The following SNX9 variants were observed in gnomAD, a reference collection of about 807,000 sequenced individuals.
SNX9 encodes the protein sorting nexin-9.
A neutral mutation model predicts 89.4 loss-of-function variants in SNX9; 44 were observed. The observed-to-expected ratio is 0.49, with a 90% confidence interval of 0.39 to 0.63. SNX9 has a LOEUF of 0.63. Among genes scored for constraint, SNX9 ranks in the 30% least tolerant of loss-of-function variants. The pLI, the probability that SNX9 is intolerant of heterozygous loss-of-function variation, is 0.00. For missense variants in SNX9, 578 were observed against 736.1 expected, an observed-to-expected ratio of 0.79 and a Z score of 2.49; for synonymous variants, 236 against 247.8, an observed-to-expected ratio of 0.95 and a Z score of 0.45.
At chr6:157,883,694 G>A (rs996263797) in intron 4 of SNX9, among the ~76,000 whole-genome samples, 3 of 151,990 alleles carry the variant, frequency 2.0e-5, no homozygotes, top group African/African-American at 4.8e-5. Context: ...CCTTTTATTT[G>A]TACCTTTGGC....
intron 1 of SNX9, among the ~76,000 whole-genome samples, chr6:157,828,082 CTAGAA>C (rs1394443900): frequency 6.6e-6 from 1 of 152,100 alleles, no homozygotes; most frequent in Non-Finnish European, 1.5e-5. Flanking sequence ...TATTTGACGA[CTAGAA>C]TAGAAATATC....
intron 4 of SNX9, among the ~76,000 whole-genome samples, chr6:157,881,181 T>C (rs915502783): frequency 2.6e-5 from 4 of 152,244 alleles, no homozygotes; most frequent in Non-Finnish European, 5.9e-5. Context: ...TTTCACGTTT[T>C]GTTAATTCTT....
intron 9 of SNX9, 39 bp from the exon 10 acceptor site, chr6:157,921,492 A>G: frequency 6.3e-7 from 1 of 1,597,566 alleles, no homozygotes; most frequent in Non-Finnish European, 8.6e-7. Context: ...CATTCATTTT[A>G]GACAAAGTTG....
At chr6:157,915,822 C>CAAAAA (rs570701086) in intron 9 of SNX9, among the ~76,000 whole-genome samples, 3 of 89,376 alleles carry the variant, frequency 3.4e-5, no homozygotes, top group Non-Finnish European at 6.9e-5. Context: ...TAGACTCTGT[C>CAAAAA]AAAAAAAAAA....
At chr6:157,921,408 C>T in intron 9 of SNX9, 123 bp from the exon 10 acceptor site, 2 of 969,624 alleles carry the variant, frequency 2.1e-6, no homozygotes, top group South Asian at 2.2e-5. Context: ...CATGGTTTAC[C>T]TTTTGCTAAA....
intron 1 of SNX9, among the ~76,000 whole-genome samples, chr6:157,860,015 C>T (rs1209251148): frequency 1.3e-5 from 2 of 152,168 alleles, no homozygotes; most frequent in African/African-American, 4.8e-5. Flanking sequence ...TGGCCATATC[C>T]ATTTGTTTAT....
intron 12 of SNX9, among the ~76,000 whole-genome samples, chr6:157,929,359 G>A (rs908426169): frequency 6.6e-6 from 1 of 152,230 alleles, no homozygotes; most frequent in African/African-American, 2.4e-5. Flanking sequence ...ACGGGCTGCT[G>A]CCCTGTTACA....
At position 157,896,991 on chromosome 6, in the gene SNX9, A is replaced by G; in HGVS notation, c.465A>G (p.Gln155=). 6.3e-7 allele frequency: 1 copy of G among 1,597,440 alleles called. No homozygotes were observed. Among genetic ancestry groups the G allele is most frequent in the Non-Finnish European group, 8.5e-7 (1 of 1,174,766 alleles). ...DTAFGHPQAY[Q]GPATGDDDDW... ...CCTTCGGCCACCCCCAGGCCTACCA[A>G]GGACCAGGTGAGGAGAGGGGTGCAA... The change falls in exon 5 of 18, where the codon CAA becomes CAG. Residue 155 remains glutamine (Q), a synonymous_variant. Transcript: ENST00000392185.
chr6:157,828,783 G>A (rs1302214255), intron 1 of SNX9, among the ~76,000 whole-genome samples: 1 of 152,084 alleles, frequency 6.6e-6, no homozygotes, highest in African/African-American at 2.4e-5. Flanking sequence ...CCACATATTA[G>A]GTCTTAATGC....
At chr6:157,884,521 C>A (rs1204164829) in intron 4 of SNX9, among the ~76,000 whole-genome samples, 1 of 152,138 alleles carries the variant, frequency 6.6e-6, no homozygotes, top group Non-Finnish European at 1.5e-5. Context: ...TTAGACATCT[C>A]GTAATTGCTT....
rs57976405 is a variant in SNX9, at chr6:157,896,511, A to C, written c.301-316A>C. Among the ~76,000 whole-genome samples, 429 of 152,284 alleles carry C rather than the reference A, an allele frequency of 2.8e-3. 3 individuals carry two copies. Among genetic ancestry groups the C allele is most frequent in the African/African-American group, 9.1e-3 (378 of 41,564 alleles). ...CATAGGAATGGATACAGGTTCAGAA[A>C]AGTAGTGGTTACTTCTGGAGAGAAA... On this transcript the variant is annotated intron_variant, in intron 4 of 17. Coordinates refer to ENST00000392185, the MANE Select transcript of SNX9 (RefSeq NM_016224.5).
intron 1 of SNX9, among the ~76,000 whole-genome samples, chr6:157,846,199 A>G (rs1406467977): frequency 6.6e-6 from 1 of 152,220 alleles, no homozygotes; most frequent in Admixed American, 6.5e-5. Flanking sequence ...AGTATGATTC[A>G]TTCTTCCATT....
Position 157,944,386 on chromosome 6 carries a change from A to G in SNX9, c.*1548A>G, listed in dbSNP as rs1784101719. 6.6e-6 allele frequency: 1 copy of G among 152,638 alleles called. No individual in the cohort carries two copies. Among genetic ancestry groups the G allele is most frequent in the Non-Finnish European group, 1.5e-5 (1 of 68,034 alleles). 9.5% of individuals were successfully genotyped at this position (152,638 alleles called of 1,614,324 possible). On this transcript the variant is annotated 3_prime_UTR_variant, in exon 18 of 18. Transcript: ENST00000392185. ...TTCTTCTATAAAATCCCATAGAACA[A>G]TGTTTATGCTATAGCCATTTAATAT...
At chr6:157,827,529 A>T (rs62423468) in intron 1 of SNX9, among the ~76,000 whole-genome samples, 8 of 40,258 alleles carry the variant, frequency 2.0e-4, no homozygotes, top group Admixed American at 9.8e-4. Flanking sequence ...AGTTTATATA[A>T]TATATAAACA....
intron 1 of SNX9, among the ~76,000 whole-genome samples, chr6:157,856,933 A>G (rs751100183): frequency 6.6e-6 from 1 of 152,160 alleles, no homozygotes; most frequent in African/African-American, 2.4e-5. Context: ...ATTGAAAAAA[A>G]TGATCTCATT....
chr6:157,826,870 G>T (rs867307172), intron 1 of SNX9, among the ~76,000 whole-genome samples: 25 of 89,046 alleles, frequency 2.8e-4, no homozygotes, highest in East Asian at 1.7e-3. Context: ...ATATATTATA[G>T]TTTATATAAT....
chr6:157,865,823 T>C (rs1409735347), intron 1 of SNX9, among the ~76,000 whole-genome samples: 1 of 152,244 alleles, frequency 6.6e-6, no homozygotes, highest in Non-Finnish European at 1.5e-5. Context: ...GAAAGGGCAA[T>C]GGCCAACAAA....
At chr6:157,909,315 C>T (rs370220470) in intron 7 of SNX9, among the ~76,000 whole-genome samples, 5 of 152,256 alleles carry the variant, frequency 3.3e-5, no homozygotes, top group East Asian at 1.9e-4. Flanking sequence ...GTGATAGATT[C>T]GAAATTTTTA....
intron 1 of SNX9, among the ~76,000 whole-genome samples, chr6:157,834,158 T>TTTG (rs1415358717): frequency 4.2e-5 from 4 of 94,804 alleles, no homozygotes; most frequent in Non-Finnish European, 8.1e-5. Flanking sequence ...TGGTTTTTTT[T>TTTG]TTTTTTTTTT....
Sources: gnomAD v4.1 joint callset for allele counts (sites outside exome capture counted in the v4.1 genomes callset) on GRCh38, gnomAD v4.1.1 for gene constraint, MANE v1.5 for transcripts, NCBI Gene and HGNC (gene_info 2026-07-23, HGNC 2026-07-21) for gene names.